The following SLC60A1 variants were observed in gnomAD, a reference collection of about 807,000 sequenced individuals.
SLC60A1 encodes solute carrier family 60 member 1, also known as major facilitator superfamily domain containing 4.
chr1:205,585,980 G>T, the SLC60A1 span: 1 of 1,515,428 alleles, frequency 6.6e-7, no homozygotes, highest in Non-Finnish European at 8.8e-7. This position sits in a 1 kb window ranked among gnomAD's most constrained non-coding sequence, Gnocchi z 4.2. Flanking sequence ...CTTTGTGAGG[G>T]TCATTGTCTG....
the SLC60A1 span, among the ~76,000 whole-genome samples, chr1:205,570,551 AC>A: frequency 1.3e-5 from 2 of 152,338 alleles, no homozygotes; most frequent in South Asian, 4.1e-4. Flanking sequence ...GATGGACCCC[AC>A]TTTAAGCCTT....
At chr1:205,571,015 G>T in the SLC60A1 span, among the ~76,000 whole-genome samples, 1 of 152,162 alleles carries the variant, frequency 6.6e-6, no homozygotes, top group Non-Finnish European at 1.5e-5. Flanking sequence ...CCAACAGGGG[G>T]CTCTGAACAG....
chr1:205,599,303 G>C, the SLC60A1 span: 1 of 1,602,830 alleles, frequency 6.2e-7, no homozygotes. Flanking sequence ...AGCCGGGGTC[G>C]GGGAGCGGGG....
chr1:205,588,226 C>T, the SLC60A1 span, among the ~76,000 whole-genome samples: 1 of 152,078 alleles, frequency 6.6e-6, no homozygotes, highest in Non-Finnish European at 1.5e-5. Flanking sequence ...AATCCCAGAA[C>T]TTTGGGAGGC....
chr1:205,600,800 T>C, the SLC60A1 span: 9 of 219,122 alleles, frequency 4.1e-5, no homozygotes, highest in African/African-American at 1.4e-4. Flanking sequence ...TCATTCTTCA[T>C]TGAAGTTTGT....
the SLC60A1 span, chr1:205,599,297 G>A: frequency 2.1e-5 from 34 of 1,608,748 alleles, no homozygotes; most frequent in Admixed American, 6.7e-5. Context: ...AAACAGAGCC[G>A]GGGTCGGGGA....
At chr1:205,593,993 A>G in the SLC60A1 span, among the ~76,000 whole-genome samples, 1 of 152,222 alleles carries the variant, frequency 6.6e-6, no homozygotes, top group Admixed American at 6.5e-5. Context: ...CACACTTGGT[A>G]TAAATTCCAT....
the SLC60A1 span, among the ~76,000 whole-genome samples, chr1:205,595,558 AG>A: frequency 0.045 from 6,834 of 152,288 alleles, 255 homozygotes; most frequent in African/African-American, 0.1. Context: ...CCAAGGGACA[AG>A]GGTAAGAGCA....
At chr1:205,584,242 A>C in the SLC60A1 span, 1 of 980,120 alleles carries the variant, frequency 1.0e-6, no homozygotes, top group Non-Finnish European at 1.4e-6. Context: ...TTTTTTTGAG[A>C]CAGAGTTTCA....
At chr1:205,597,956 A>C in the SLC60A1 span, 1 of 1,207,666 alleles carries the variant, frequency 8.3e-7, no homozygotes, top group Non-Finnish European at 1.2e-6. Context: ...CCCTTTCCTG[A>C]GTCTCCAGCA....
the SLC60A1 span, among the ~76,000 whole-genome samples, chr1:205,574,138 A>AT: frequency 2.6e-3 from 398 of 151,896 alleles, 4 homozygotes; most frequent in African/African-American, 9.1e-3. Flanking sequence ...TTATATATCA[A>AT]TTTTTTTTAA....
At chr1:205,586,020 C>G in the SLC60A1 span, 1 of 1,574,702 alleles carries the variant, frequency 6.4e-7, no homozygotes, top group Non-Finnish European at 8.6e-7. Context: ...CAACAGCGCC[C>G]GGTCTCTCCA....
At chr1:205,574,394 T>A in the SLC60A1 span, among the ~76,000 whole-genome samples, 1 of 152,048 alleles carries the variant, frequency 6.6e-6, no homozygotes, top group African/African-American at 2.4e-5. Context: ...TCGTGAGCCA[T>A]GATTGCATCA....
chr1:205,592,725 G>T, the SLC60A1 span, among the ~76,000 whole-genome samples: 1 of 152,132 alleles, frequency 6.6e-6, no homozygotes, highest in Non-Finnish European at 1.5e-5. Flanking sequence ...AATGATCCCC[G>T]TAATGATGGG....
At chr1:205,570,461 G>A in the SLC60A1 span, among the ~76,000 whole-genome samples, 14 of 152,322 alleles carry the variant, frequency 9.2e-5, no homozygotes, top group East Asian at 3.9e-4. Context: ...TTGGCTTAAC[G>A]CCTACAGGTG....
the SLC60A1 span, among the ~76,000 whole-genome samples, chr1:205,577,763 C>T: frequency 1.3e-5 from 2 of 152,178 alleles, no homozygotes; most frequent in African/African-American, 4.8e-5. This position sits in a 1 kb window ranked among gnomAD's most constrained non-coding sequence, Gnocchi z 5.2. Context: ...ACACACTCCT[C>T]CCTGGAAAAG....
the SLC60A1 span, among the ~76,000 whole-genome samples, chr1:205,576,691 G>A: frequency 2.3e-4 from 35 of 152,358 alleles, no homozygotes; most frequent in Non-Finnish European, 4.3e-4. Flanking sequence ...GCTCTGGGAT[G>A]TGTCTGGGAC....
the SLC60A1 span, among the ~76,000 whole-genome samples, chr1:205,588,085 G>T: frequency 1.3e-5 from 2 of 152,076 alleles, no homozygotes; most frequent in African/African-American, 4.8e-5. Context: ...TACCCCAGGG[G>T]AATTACATCA....
the SLC60A1 span, chr1:205,584,088 C>G: frequency 4.0e-5 from 65 of 1,614,038 alleles, 1 homozygote; most frequent in South Asian, 3.6e-4. Flanking sequence ...AAGGAAGATG[C>G]CTCCTCACTG....
Sources: gnomAD v4.1 joint callset for allele counts (sites outside exome capture counted in the v4.1 genomes callset) on GRCh38, gnomAD v4.1.1 for gene constraint, Gnocchi (gnomAD v3.1) non-coding constraint, MANE v1.5 for transcripts, NCBI Gene and HGNC (gene_info 2026-07-23, HGNC 2026-07-21) for gene names.